Variants in DIAPH3 observed in about 807,000 individuals in gnomAD.
DIAPH3 encodes the protein protein diaphanous homolog 3.
Under a neutral mutation model 144.3 loss-of-function variants are expected in DIAPH3, and 117 were observed. The ratio of observed to expected loss-of-function variants is 0.81; its 90% CI spans 0.70 to 0.95. The LOEUF (loss-of-function observed/expected upper bound fraction) is 0.95, where lower values mean the gene tolerates loss of function less well. DIAPH3 is among the 40% of genes least tolerant of loss of function. The probability of loss-of-function intolerance (pLI) is 0.00; values close to 1 mark genes in which losing one functional copy is unlikely to be tolerated. For missense variants in DIAPH3, 1,421 were observed against 1,412.7 expected (o/e 1.01, Z -0.09); for synonymous variants, 519 against 488.9 (o/e 1.06, Z -0.81).
At chr13:59,966,784 T>A (rs1315552372) in intron 17 of DIAPH3, among the ~76,000 whole-genome samples, 1 of 152,158 alleles carries the variant, frequency 6.6e-6, no homozygotes, top group Non-Finnish European at 1.5e-5. Flanking sequence ...GGATGGAATG[T>A]CCATCTTTGT....
At chr13:59,671,391 C>A (rs756717392) in intron 27 of DIAPH3, among the ~76,000 whole-genome samples, 18 of 152,192 alleles carry the variant, frequency 1.2e-4, no homozygotes, top group Admixed American at 3.3e-4. Context: ...CAACTCTTCA[C>A]CATACACACT....
At chr13:59,734,920 A>C (rs1324686392) in intron 27 of DIAPH3, among the ~76,000 whole-genome samples, 1 of 152,088 alleles carries the variant, frequency 6.6e-6, no homozygotes. Context: ...ACCACAGAAG[A>C]CTCCTATTAT....
chr13:59,951,639 A>G (rs2049104686), intron 17 of DIAPH3, among the ~76,000 whole-genome samples: 1 of 152,180 alleles, frequency 6.6e-6, no homozygotes, highest in South Asian at 2.1e-4. Context: ...ATTAGTTTCT[A>G]TAATAGGCAT....
intron 5 of DIAPH3, among the ~76,000 whole-genome samples, chr13:60,036,630 C>T (rs546967424): frequency 7.2e-5 from 11 of 152,112 alleles, no homozygotes; most frequent in African/African-American, 2.2e-4. Flanking sequence ...ACCTTTACTC[C>T]ACCTGCCCCT....
At chr13:60,157,659 C>T (rs1179759583) in intron 1 of DIAPH3, among the ~76,000 whole-genome samples, 2 of 152,138 alleles carry the variant, frequency 1.3e-5, no homozygotes, top group Non-Finnish European at 2.9e-5. Context: ...TGTCAAATAC[C>T]TTTGCACTGT....
chr13:59,693,454 A>T (rs565504829), intron 27 of DIAPH3, among the ~76,000 whole-genome samples: 10 of 152,304 alleles, frequency 6.6e-5, no homozygotes, highest in African/African-American at 2.2e-4. Context: ...AGTGTATGAC[A>T]TTATTCCAAG....
At chr13:59,728,401 C>G (rs1034608849) in intron 27 of DIAPH3, among the ~76,000 whole-genome samples, 1 of 151,160 alleles carries the variant, frequency 6.6e-6, no homozygotes, top group Non-Finnish European at 1.5e-5. Flanking sequence ...GAACTAATAA[C>G]CCAATAAAAA....
chr13:59,743,487 G>T (rs2036563985), intron 27 of DIAPH3, among the ~76,000 whole-genome samples: 1 of 152,124 alleles, frequency 6.6e-6, no homozygotes, highest in Admixed American at 6.5e-5. Flanking sequence ...GTTGGGGGTG[G>T]ATGACAACAC....
chr13:59,863,526 G>GTACCA (rs1458491241), intron 21 of DIAPH3, among the ~76,000 whole-genome samples: 1 of 152,004 alleles, frequency 6.6e-6, no homozygotes, highest in Non-Finnish European at 1.5e-5. Context: ...GGAGATTTCC[G>GTACCA]TACCATCAGA....
intron 27 of DIAPH3, among the ~76,000 whole-genome samples, chr13:59,683,813 A>C (rs2033072389): frequency 2.0e-5 from 3 of 152,154 alleles, no homozygotes; most frequent in Non-Finnish European, 4.4e-5. Context: ...AGGAAGAATA[A>C]AATGAATTCA....
chr13:60,003,359 T>A (rs182068206), intron 9 of DIAPH3, among the ~76,000 whole-genome samples: 2 of 152,126 alleles, frequency 1.3e-5, no homozygotes, highest in African/African-American at 4.8e-5. Context: ...TATTTAATTT[T>A]GTAATAACAT....
intron 1 of DIAPH3, among the ~76,000 whole-genome samples, chr13:60,144,092 G>A (rs74085186): frequency 0.018 from 2,811 of 152,184 alleles, 103 homozygotes; most frequent in African/African-American, 0.065. Context: ...GTATGTCGCA[G>A]GTACTATGTT....
chr13:59,764,012 T>C (rs1676948333), intron 27 of DIAPH3, among the ~76,000 whole-genome samples: 1 of 151,826 alleles, frequency 6.6e-6, no homozygotes, highest in African/African-American at 2.4e-5. Flanking sequence ...AGAGATGTAT[T>C]CTGTCATCTG....
chr13:59,870,228 A>G (rs1429791659), intron 21 of DIAPH3, among the ~76,000 whole-genome samples: 2 of 151,834 alleles, frequency 1.3e-5, no homozygotes, highest in Non-Finnish European at 2.9e-5. Context: ...CTATTCTTTC[A>G]CTATTGAATT....
rs554991981 is a variant in DIAPH3 at position 59,902,903 on chromosome 13, C to A, written c.2367+8832G>T. Among the ~76,000 whole-genome samples, 20 of 152,020 alleles carry A rather than the reference C, an allele frequency of 1.3e-4. No individual in the cohort carries two copies. In the East Asian group the frequency reaches 3.9e-3, roughly 29 times the overall value. On this transcript the variant is annotated intron_variant, in intron 20 of 27. Coordinates refer to ENST00000400324, the MANE Select transcript of DIAPH3 (RefSeq NM_001042517.2). ...GAAATAATAGTTTATTATTTCAAAC[C>A]AATGTTCTCACTGTGTAATGAAAGA...
At chr13:59,738,487 GT>G (rs1371281340) in intron 27 of DIAPH3, among the ~76,000 whole-genome samples, 2 of 152,120 alleles carry the variant, frequency 1.3e-5, no homozygotes, top group Non-Finnish European at 2.9e-5. Context: ...CTTAAGAACT[GT>G]CTTACTCCTT....
chr13:59,898,146 A>G (rs977321153), intron 20 of DIAPH3, among the ~76,000 whole-genome samples: 1 of 150,694 alleles, frequency 6.6e-6, no homozygotes, highest in Non-Finnish European at 1.5e-5. Flanking sequence ...AAAAAAAAAA[A>G]AAAAAAAAAA....
intron 24 of DIAPH3, among the ~76,000 whole-genome samples, chr13:59,816,660 C>A (rs543998201): frequency 3.3e-5 from 5 of 151,552 alleles, no homozygotes; most frequent in Non-Finnish European, 7.4e-5. Context: ...TCATATAAAT[C>A]CTTTTTAAAT....
At chr13:59,673,361 T>G (rs1186662013) in intron 27 of DIAPH3, among the ~76,000 whole-genome samples, 1 of 152,234 alleles carries the variant, frequency 6.6e-6, no homozygotes, top group Non-Finnish European at 1.5e-5. Flanking sequence ...TAAACTCAAT[T>G]GCATTTACTC....
Sources: gnomAD v4.1 joint callset for allele counts (sites outside exome capture counted in the v4.1 genomes callset) on GRCh38, gnomAD v4.1.1 for gene constraint, MANE v1.5 for transcripts, NCBI Gene and HGNC (gene_info 2026-07-23, HGNC 2026-07-21) for gene names.